JKAMP: variants seen among roughly 807,000 people sequenced by gnomAD.
The protein encoded by JKAMP is JNK1/MAPK8 associated membrane protein, also known as JNK1/MAPK8-associated membrane protein.
JKAMP carries 20 observed loss-of-function variants against 40.2 expected under a neutral mutation model. The observed-to-expected ratio is 0.50, with a 90% CI of 0.35 to 0.72. The LOEUF (loss-of-function observed/expected upper bound fraction) is 0.72, where lower values mean the gene tolerates loss of function less well. JKAMP is among the 30% of genes least tolerant of loss of function. JKAMP has a pLI of 0.01. For missense variants in JKAMP, 276 were observed against 373.0 expected (o/e 0.74, Z 2.14); for synonymous variants, 138 against 131.6 (o/e 1.05, Z -0.33).
rs778413886 is a variant in JKAMP, at chr14:59,498,720, T to C, written c.459-7T>C. On this transcript the variant is annotated splice_region_variant and splice_polypyrimidine_tract_variant and intron_variant, in intron 4 of 6. Transcript: ENST00000616435. ...TGATGTTACAAATTCTTTATTTTAT[T>C]TTACAGATATACCATTGTATTTATC... 2.9e-6 allele frequency: 4 copies of C among 1,385,754 alleles called. No homozygotes were observed. The South Asian group carries it at 5.3e-5, about 18-fold the overall frequency. The allele number at this position is 1,385,754 out of a possible 1,614,324, so 85.8% of individuals were successfully genotyped here.
At chr14:59,484,707 C>T (rs1237682712) in intron 1 of JKAMP, 114 bp downstream of exon 1, 1 of 1,315,930 alleles carries the variant, frequency 7.6e-7, no homozygotes, top group Non-Finnish European at 1.1e-6. Flanking sequence ...GGCGCAGGCT[C>T]GCCCCTTGAC....
chr14:59,493,501 G>A (rs906014094), intron 3 of JKAMP, among the ~76,000 whole-genome samples: 1 of 152,198 alleles, frequency 6.6e-6, no homozygotes, highest in Non-Finnish European at 1.5e-5. Context: ...AAGCCACTAA[G>A]TATTGAGGTA....
Position 59,485,145 on chromosome 14 carries a change from A to C in JKAMP, c.4+552A>C. ...AGTGATAGGCTGTTTATTTCAGTTC[A>C]GTTTATCATACTGGTTTTCAGGCCT... On this transcript the variant is annotated intron_variant, in intron 1 of 6. Coordinates refer to ENST00000616435, the MANE Select transcript of JKAMP (RefSeq NM_016475.5). 3.8e-6 allele frequency: 6 copies of C among 1,595,920 alleles called. 1 individual carries two copies. The South Asian group carries it at 4.4e-5, about 12-fold the overall frequency.
chr14:59,497,094 T>C (rs935769232), intron 4 of JKAMP, among the ~76,000 whole-genome samples: 4 of 152,008 alleles, frequency 2.6e-5, no homozygotes, highest in African/African-American at 4.8e-5. Flanking sequence ...AGGCTGTTTT[T>C]CCCAATGTAT....
At chr14:59,487,348 C>T in intron 2 of JKAMP, 1 of 183,000 alleles carries the variant, frequency 5.5e-6, no homozygotes, top group Non-Finnish European at 1.1e-5. Context: ...GGTACCGTGT[C>T]TTGTACAGTA....
chr14:59,501,593 C>A (rs975928039), intron 6 of JKAMP, among the ~76,000 whole-genome samples: 1 of 152,088 alleles, frequency 6.6e-6, no homozygotes, highest in South Asian at 2.1e-4. Context: ...TTGAGAAAAA[C>A]CATAAAAATG....
intron 5 of JKAMP, among the ~76,000 whole-genome samples, chr14:59,499,285 A>C (rs1002015066): frequency 3.3e-5 from 5 of 151,764 alleles, no homozygotes; most frequent in African/African-American, 1.2e-4. Context: ...CTCTCTTTGC[A>C]TTTGAAGTTC....
chr14:59,498,703 C>A, intron 4 of JKAMP, 24 bp from the exon 5 acceptor site: 1 of 1,245,688 alleles, frequency 8.0e-7, no homozygotes, highest in Non-Finnish European at 1.1e-6. Context: ...TTTGATGTTA[C>A]AAATTCTTTA....
chr14:59,503,253 GTAAC>G (rs1892075601), intron 6 of JKAMP, among the ~76,000 whole-genome samples: 1 of 152,176 alleles, frequency 6.6e-6, no homozygotes, highest in Non-Finnish European at 1.5e-5. Context: ...GAGAAAGTTA[GTAAC>G]TAACCTGTTG....
rs527684457 is a variant in JKAMP, at chr14:59,499,015, C to CTT, written c.640+133_640+134dup. On this transcript the variant is annotated intron_variant, in intron 5 of 6. Coordinates refer to ENST00000616435, the MANE Select transcript of JKAMP (RefSeq NM_016475.5). ...TTTCCTTAAGATAGTTTGTTTAATC[C>CTT]TTTTTTTTTTTTTTTTTTTTTTTTT... is the stretch of plus-strand genomic sequence containing the variant. 2.5e-3 allele frequency: 317 copies of CTT among 127,244 alleles called. 38 individuals are homozygous for CTT. Among genetic ancestry groups the CTT allele is most frequent in the African/African-American group, 6.6e-3 (140 of 21,128 alleles). 7.9% of individuals were successfully genotyped at this position (127,244 alleles called of 1,614,324 possible). A position where few individuals can be genotyped will look rare whatever the true frequency, so the allele number is the denominator to read the frequency against.
At position 59,484,542 on chromosome 14, in the gene JKAMP, C is replaced by G. The variant is rs776604972; in HGVS notation, c.-48C>G. On this transcript the variant is annotated 5_prime_UTR_variant, in exon 1 of 7. Coordinates refer to ENST00000616435, the MANE Select transcript of JKAMP (RefSeq NM_016475.5). ...GTGGCCCGGATGTTCGGTGCAGCTG[C>G]CAGATCCGCTGATCTAGTGCTTCTC... 4 of 1,562,328 alleles carry G rather than the reference C, an allele frequency of 2.6e-6. No individual in the cohort carries two copies. Among genetic ancestry groups the G allele is most frequent in the African/African-American group, 2.7e-5 (2 of 73,380 alleles).
At chr14:59,502,755 T>TGTTGTTTTTTTGTTTTTTTG (rs67189643) in intron 6 of JKAMP, among the ~76,000 whole-genome samples, 1 of 122,918 alleles carries the variant, frequency 8.1e-6, no homozygotes, top group African/African-American at 3.0e-5. Context: ...ATGAGATTTT[T>TGTTGTTTTTTTGTTTTTTTG]TTTTTTTTTT....
chr14:59,497,703 T>C (rs1248190177), intron 4 of JKAMP, among the ~76,000 whole-genome samples: 1 of 152,156 alleles, frequency 6.6e-6, no homozygotes, highest in Non-Finnish European at 1.5e-5. Flanking sequence ...TTTGATGTTG[T>C]TTGGGGGTGG....
intron 6 of JKAMP, among the ~76,000 whole-genome samples, chr14:59,501,975 C>T (rs1434518386): frequency 6.6e-6 from 1 of 152,000 alleles, no homozygotes. Context: ...CATATCATAA[C>T]GTTTATATTT....
At chr14:59,498,626 CT>C (rs1449757217) in intron 4 of JKAMP, 100 bp from the exon 5 acceptor site, 24 of 681,170 alleles carry the variant, frequency 3.5e-5, no homozygotes, top group Admixed American at 6.3e-5. Flanking sequence ...AGTAAATATG[CT>C]TTTTAAACCT....
In JKAMP at chr14:59,498,752, G is replaced by T. The variant is rs760970678; in HGVS notation, c.484G>T (p.Ala162Ser). Residue 162 changes from alanine to serine, a missense_variant, in exon 5 of 7, where the codon GCA (alanine) becomes TCA (serine). Ala to Ser is a moderately conservative substitution (Grantham distance 99). Transcript: ENST00000616435. ...PLYTIVFIYY[A>S]FCLVLMMLLR... The stretch of plus-strand genomic sequence containing the variant: ...ATATACCATTGTATTTATCTATTAC[G>T]CATTCTGCTTGGTATTAATGATGCT... The T allele has an allele frequency of 4.3e-5, 68 of 1,569,210 alleles. No individual in the cohort carries two copies. Among genetic ancestry groups the T allele is most frequent in the Non-Finnish European group, 5.7e-5 (65 of 1,146,050 alleles).
chr14:59,492,620 C>T (rs1213009590), intron 3 of JKAMP, among the ~76,000 whole-genome samples: 1 of 152,176 alleles, frequency 6.6e-6, no homozygotes, highest in African/African-American at 2.4e-5. Context: ...GTATCATAAG[C>T]AGTGTTGCCT....
chr14:59,492,910 G>T (rs2139879019), intron 3 of JKAMP, among the ~76,000 whole-genome samples: 1 of 150,722 alleles, frequency 6.6e-6, no homozygotes, highest in African/African-American at 2.4e-5. Context: ...TCATTCTCCT[G>T]CCTCAGCCTC....
intron 3 of JKAMP, among the ~76,000 whole-genome samples, chr14:59,492,832 C>T (rs1465395574): frequency 7.0e-6 from 1 of 142,558 alleles, no homozygotes; most frequent in Admixed American, 7.2e-5. Context: ...GAGTCTTGCT[C>T]TGTTGCCCAG....
Sources: gnomAD v4.1 joint callset for allele counts (sites outside exome capture counted in the v4.1 genomes callset) on GRCh38, gnomAD v4.1.1 for gene constraint, MANE v1.5 for transcripts, NCBI Gene and HGNC (gene_info 2026-07-23, HGNC 2026-07-21) for gene names.